The following DMD variants were observed in gnomAD, a reference collection of about 807,000 sequenced individuals.
DMD encodes dystrophin.
Under a neutral mutation model 330.1 loss-of-function variants are expected in DMD, and 63 were observed. The ratio of observed to expected loss-of-function variants is 0.19; its 90% CI spans 0.16 to 0.24. DMD has a LOEUF of 0.24. DMD is among the 10% of genes least tolerant of loss of function. The pLI, the probability that DMD is intolerant of heterozygous loss-of-function variation, is 1.00. For missense variants in DMD, 3,344 were observed against 2,684.1 expected (o/e 1.25, Z -5.43); for synonymous variants, 1,223 against 959.8 (o/e 1.27, Z -5.07).
At chrX:32,385,623 T>TTTTAAACCATCAAAGCTCTAAATC (rs1569560605) in intron 33 of DMD, among the ~76,000 whole-genome samples, 1 of 110,981 alleles carries the variant, frequency 9.0e-6, no homozygotes, top group Admixed American at 9.6e-5. Flanking sequence ...ACTATCATAA[T>TTTTAAACCATCAAAGCTCTAAATC]CTATACAGAA....
At chrX:32,585,561 G>A (rs1025315496) in intron 13 of DMD, among the ~76,000 whole-genome samples, 3 of 107,143 alleles carry the variant, frequency 2.8e-5, no homozygotes, top group Non-Finnish European at 3.9e-5. Context: ...TTAGCCAGGC[G>A]TGGTGGCAGG....
chrX:32,528,421 G>C (rs900367801), intron 17 of DMD, among the ~76,000 whole-genome samples: 2 of 111,553 alleles, frequency 1.8e-5, no homozygotes, highest in African/African-American at 6.5e-5. Context: ...TAATTTCTTC[G>C]ATCTTCAGCG....
chrX:32,130,832 T>C (rs1013836507), intron 44 of DMD, among the ~76,000 whole-genome samples: 1 of 112,327 alleles, frequency 8.9e-6, no homozygotes, highest in Non-Finnish European at 1.9e-5. Context: ...ACATTCCAGT[T>C]ACACTCTACC....
intron 74 of DMD, among the ~76,000 whole-genome samples, chrX:31,158,426 G>T (rs1208177947): frequency 1.8e-5 from 2 of 112,030 alleles, no homozygotes; most frequent in Admixed American, 1.9e-4. Context: ...GTAGATCAGG[G>T]ATTGTCTACT....
chrX:31,549,187 A>G (rs1417604458), intron 55 of DMD, among the ~76,000 whole-genome samples: 3 of 111,094 alleles, frequency 2.7e-5, no homozygotes, highest in Admixed American at 9.6e-5. Context: ...GGACCCCTCC[A>G]TATCTGCTCC....
At chrX:32,309,354 C>G (rs867931287) in intron 42 of DMD, among the ~76,000 whole-genome samples, 2 of 111,141 alleles carry the variant, frequency 1.8e-5, no homozygotes, top group African/African-American at 3.3e-5. Context: ...TCTGGGTATA[C>G]TATAATATTT....
intron 50 of DMD, among the ~76,000 whole-genome samples, chrX:31,777,432 C>T (rs182350979): frequency 2.3e-3 from 249 of 109,567 alleles, no homozygotes; most frequent in African/African-American, 7.9e-3. Flanking sequence ...AATATTTAGG[C>T]TTTCTAGGAC....
chrX:32,605,319 T>A (rs941612463), intron 12 of DMD, among the ~76,000 whole-genome samples: 101 of 110,688 alleles, frequency 9.1e-4, no homozygotes, highest in Middle Eastern at 9.4e-3. Flanking sequence ...GACATCCTAT[T>A]CAGTAAATTG....
At chrX:32,368,790 A>G (rs758360180) in intron 34 of DMD, among the ~76,000 whole-genome samples, 1 of 111,823 alleles carries the variant, frequency 8.9e-6, no homozygotes, top group South Asian at 3.7e-4. Flanking sequence ...CTGCCTTGTG[A>G]GGTGAGAAGT....
rs1231027782 is a variant in DMD, at chrX:33,009,256, GTA to G, written c.93+10881_93+10882del. Among the ~76,000 whole-genome samples the G allele has an allele frequency of 9.8e-4, 42 of 43,014 alleles. 13 individuals are homozygous for G. Among genetic ancestry groups the G allele is most frequent in the African/African-American group, 2.8e-3 (40 of 14,459 alleles). The allele number at this position is 43,014 out of a possible 115,157, so 37.4% of individuals were successfully genotyped here. A position where few individuals can be genotyped will look rare whatever the true frequency, so the allele number is the denominator to read the frequency against. ...TATATATACACATGTGCATATATGT[GTA>G]TGTGTGTATATATACACATATGTGT... On this transcript the variant is annotated intron_variant, in intron 2 of 78. Coordinates refer to ENST00000357033, the MANE Select transcript of DMD (RefSeq NM_004006.3).
intron 63 of DMD, among the ~76,000 whole-genome samples, chrX:31,232,003 T>A (rs1287597046): frequency 1.0e-5 from 1 of 99,095 alleles, no homozygotes; most frequent in African/African-American, 3.8e-5. Context: ...TTGGAGAAGG[T>A]GACATTGAAG....
At chrX:32,402,325 T>C (rs1442571948) in intron 30 of DMD, among the ~76,000 whole-genome samples, 1 of 111,707 alleles carries the variant, frequency 9.0e-6, no homozygotes, top group Non-Finnish European at 1.9e-5. Context: ...AATAGGGTTT[T>C]AAAAACAACT....
intron 43 of DMD, among the ~76,000 whole-genome samples, chrX:32,252,691 T>A (rs1569553599): frequency 1.9e-5 from 1 of 52,278 alleles, no homozygotes; most frequent in Non-Finnish European, 3.3e-5. Flanking sequence ...TATAAATATA[T>A]ATATAAATAT....
intron 63 of DMD, among the ~76,000 whole-genome samples, chrX:31,250,223 C>G (rs60630579): frequency 5.4e-5 from 6 of 111,661 alleles, no homozygotes; most frequent in Non-Finnish European, 1.1e-4. Flanking sequence ...GTATTTTAAA[C>G]TTATCACATT....
intron 7 of DMD, among the ~76,000 whole-genome samples, chrX:32,749,194 T>G (rs2070471604): frequency 8.9e-6 from 1 of 112,376 alleles, no homozygotes; most frequent in African/African-American, 3.2e-5. Context: ...CCTTGAGAAC[T>G]GTGACTCAGC....
chrX:31,282,247 T>C (rs1452134762), intron 62 of DMD, among the ~76,000 whole-genome samples: 2 of 112,201 alleles, frequency 1.8e-5, no homozygotes, highest in East Asian at 5.6e-4. Context: ...CATATATTTA[T>C]ACTTAATTGT....
At chrX:32,382,484 T>C (rs184583994) in intron 33 of DMD, among the ~76,000 whole-genome samples, 17 of 111,686 alleles carry the variant, frequency 1.5e-4, no homozygotes, top group Non-Finnish European at 3.2e-4. Flanking sequence ...AAATAAATAT[T>C]CTGGAACCTT....
chrX:32,570,015 T>A (rs1176851898), intron 15 of DMD, among the ~76,000 whole-genome samples: 2 of 111,705 alleles, frequency 1.8e-5, no homozygotes, highest in East Asian at 5.6e-4. Flanking sequence ...TCAGTTTTGA[T>A]TATAAAAAAT....
intron 2 of DMD, among the ~76,000 whole-genome samples, chrX:33,009,692 A>G (rs367638851): frequency 0.053 from 2,197 of 41,194 alleles, 640 homozygotes; most frequent in African/African-American, 0.13. Flanking sequence ...GTATATGCAC[A>G]TATGTGTGTA....
Sources: gnomAD v4.1 joint callset for allele counts (sites outside exome capture counted in the v4.1 genomes callset) on GRCh38, gnomAD v4.1.1 for gene constraint, MANE v1.5 for transcripts, NCBI Gene and HGNC (gene_info 2026-07-23, HGNC 2026-07-21) for gene names.